CRIM1: variants seen among roughly 807,000 people sequenced by gnomAD.
The protein encoded by CRIM1 is cysteine rich transmembrane BMP regulator 1.
In CRIM1, 32 loss-of-function variants were observed where a neutral mutation model predicts 116.4. The ratio of observed to expected loss-of-function variants is 0.27; its 90% CI spans 0.21 to 0.37. The LOEUF is 0.37. CRIM1 is among the 10% of genes least tolerant of loss of function. The pLI is 1.00. For synonymous variants in CRIM1, 590 were observed against 509.2 expected (o/e 1.16, Z -2.13); for missense variants, 1,331 against 1,354.8 (o/e 0.98, Z 0.28).
At chr2:36,471,195 A>G (rs1333142547) in intron 5 of CRIM1, among the ~76,000 whole-genome samples, 1 of 152,200 alleles carries the variant, frequency 6.6e-6, no homozygotes, top group Non-Finnish European at 1.5e-5. Context: ...TGCTGTGACA[A>G]CATCTTCACC....
intron 5 of CRIM1, among the ~76,000 whole-genome samples, chr2:36,464,906 G>C (rs748032063): frequency 3.9e-5 from 6 of 152,210 alleles, no homozygotes; most frequent in Non-Finnish European, 5.9e-5. Context: ...GTCATACTCA[G>C]CTGTGTTACA....
At position 36,445,784 on chromosome 2, in the gene CRIM1, G is replaced by A. The variant is rs114792638; in HGVS notation, c.869+3049G>A. On this transcript the variant is annotated intron_variant, in intron 4 of 16. Transcript: ENST00000280527. Reference sequence around the variant, plus strand: ...ACAACCCAAATAATCATGTGAAAATGGAAAAAAAAAAGCCTAACATGTAAT... The same window carrying A: ...ACAACCCAAATAATCATGTGAAAATAGAAAAAAAAAAGCCTAACATGTAAT... 7.2e-3 allele frequency among the ~76,000 whole-genome samples: 1,078 copies of A among 150,360 alleles called. 8 individuals carry two copies. Among genetic ancestry groups the A allele is most frequent in the Non-Finnish European group, 0.013 (863 of 67,600 alleles).
At chr2:36,481,764 C>A (rs1477712337) in intron 7 of CRIM1, among the ~76,000 whole-genome samples, 2 of 152,118 alleles carry the variant, frequency 1.3e-5, no homozygotes, top group African/African-American at 4.8e-5. Context: ...TGAAGATCAA[C>A]GGAAGTTTGT....
rs573244908 is a variant in CRIM1 at position 36,447,555 on chromosome 2, G to A, written c.869+4820G>A. Among the ~76,000 whole-genome samples the A allele has an allele frequency of 1.2e-4, 18 of 152,290 alleles. 1 individual carries two copies. The South Asian group carries it at 2.9e-3, about 25-fold the overall frequency. On this transcript the variant is annotated intron_variant, in intron 4 of 16. Coordinates refer to ENST00000280527, the MANE Select transcript of CRIM1 (RefSeq NM_016441.3). ...CATGTTTGGAAACTCAGCTGGGATGGCTGGAAAGACCCCTCTCCCTACATG... is the reference window on the plus strand; with the variant it reads ...CATGTTTGGAAACTCAGCTGGGATGACTGGAAAGACCCCTCTCCCTACATG...
rs145970046 is a variant in CRIM1, at chr2:36,413,829, G to A, written c.505+17042G>A. The stretch of plus-strand genomic sequence containing the variant: ...CATTACATACACTTGTAAAGTGTAT[G>A]TATTTGGATGGGGGTGCTCTATTTC... On this transcript the variant is annotated intron_variant, in intron 2 of 16. Transcript: ENST00000280527. 6.6e-3 allele frequency among the ~76,000 whole-genome samples: 999 copies of A among 152,270 alleles called. 10 individuals carry two copies. Among genetic ancestry groups the A allele is most frequent in the African/African-American group, 0.023 (947 of 41,544 alleles).
At chr2:36,443,159 T>C (rs940621727) in intron 4 of CRIM1, among the ~76,000 whole-genome samples, 2 of 152,190 alleles carry the variant, frequency 1.3e-5, no homozygotes, top group African/African-American at 4.8e-5. Flanking sequence ...GAATCACACA[T>C]CTACCCAGAC....
intron 4 of CRIM1, among the ~76,000 whole-genome samples, chr2:36,455,961 G>A (rs1481227557): frequency 2.0e-5 from 3 of 152,094 alleles, no homozygotes; most frequent in Non-Finnish European, 2.9e-5. Flanking sequence ...AGGATGAGAG[G>A]CTGGGAATTG....
intron 4 of CRIM1, among the ~76,000 whole-genome samples, chr2:36,459,303 A>C (rs1451372321): frequency 6.6e-6 from 1 of 152,192 alleles, no homozygotes; most frequent in African/African-American, 2.4e-5. Flanking sequence ...AACACATTCC[A>C]TAGTCTTTCC....
Position 36,511,559 on chromosome 2 carries a change from G to C in CRIM1, c.1659-714G>C, listed in dbSNP as rs116063505. On this transcript the variant is annotated intron_variant, in intron 9 of 16. Coordinates refer to ENST00000280527, the MANE Select transcript of CRIM1 (RefSeq NM_016441.3). ...CTTGCTACAGTATCATGACAGTTCA[G>C]AATCAAGGCTGTGTTCAAATCCAAC... is the stretch of plus-strand genomic sequence containing the variant. Among the ~76,000 whole-genome samples the C allele has an allele frequency of 4.9e-3, 741 of 152,258 alleles. 9 individuals are homozygous for C. The highest frequency in any genetic ancestry group is 0.017 in the African/African-American group (707 of 41,548).
At chr2:36,392,544 G>A (rs1231397234) in intron 1 of CRIM1, among the ~76,000 whole-genome samples, 2 of 152,128 alleles carry the variant, frequency 1.3e-5, no homozygotes, top group Non-Finnish European at 2.9e-5. Flanking sequence ...ATTTACTTAG[G>A]AAAAGAGAGA....
At chr2:36,398,595 C>G (rs1672205471) in intron 2 of CRIM1, among the ~76,000 whole-genome samples, 3 of 152,156 alleles carry the variant, frequency 2.0e-5, no homozygotes, top group Admixed American at 2.0e-4. Flanking sequence ...ATTACCGTAT[C>G]TGATTGAATT....
chr2:36,451,311 A>G (rs1466170155), intron 4 of CRIM1, among the ~76,000 whole-genome samples: 1 of 152,230 alleles, frequency 6.6e-6, no homozygotes, highest in African/African-American at 2.4e-5. Flanking sequence ...ACACACACAC[A>G]CAGTCATCTG....
At chr2:36,445,290 C>T (rs757755284) in intron 4 of CRIM1, among the ~76,000 whole-genome samples, 5 of 152,320 alleles carry the variant, frequency 3.3e-5, no homozygotes, top group Admixed American at 1.3e-4. Context: ...GTGCGGTACT[C>T]CTCAATCCTG....
chr2:36,513,832 C>A, intron 11 of CRIM1, 67 bp downstream of exon 11: 6 of 1,413,822 alleles, frequency 4.2e-6, no homozygotes, highest in Non-Finnish European at 5.9e-6. Flanking sequence ...GCCCTAGACA[C>A]ATTTGTAACT....
chr2:36,389,937 T>G (rs1200678250), intron 1 of CRIM1, among the ~76,000 whole-genome samples: 1 of 152,202 alleles, frequency 6.6e-6, no homozygotes, highest in African/African-American at 2.4e-5. Context: ...TTCACATATC[T>G]GGTGTTCGTT....
At chr2:36,502,930 G>C (rs1681103170) in intron 8 of CRIM1, among the ~76,000 whole-genome samples, 1 of 152,130 alleles carries the variant, frequency 6.6e-6, no homozygotes, top group East Asian at 1.9e-4. Flanking sequence ...TCTTATTTTG[G>C]ATTCTTCTTA....
At chr2:36,533,701 TCATA>T (rs1330164021) in intron 13 of CRIM1, among the ~76,000 whole-genome samples, 2 of 152,236 alleles carry the variant, frequency 1.3e-5, no homozygotes, top group African/African-American at 4.8e-5. Context: ...GACAGTGATC[TCATA>T]CAGTTACTGA....
chr2:36,483,740 AAGTGAGGAC>A (rs1679603127), intron 7 of CRIM1, among the ~76,000 whole-genome samples: 3 of 152,202 alleles, frequency 2.0e-5, no homozygotes, highest in Admixed American at 2.0e-4. Flanking sequence ...AGTAAATAAT[AAGTGAGGAC>A]AGTGAGGAGG....
rs115074523 is a variant in CRIM1 at position 36,467,349 on chromosome 2, A to G, written c.991+2694A>G. On this transcript the variant is annotated intron_variant, in intron 5 of 16. Transcript: ENST00000280527. ...TTAAGAACATTGTCTCAAAGCCTGCATTTTTCTTCTTTTGATATATACATT... is the reference window on the plus strand; with the variant it reads ...TTAAGAACATTGTCTCAAAGCCTGCGTTTTTCTTCTTTTGATATATACATT... Among the ~76,000 whole-genome samples the G allele has an allele frequency of 6.3e-3, 955 of 152,310 alleles. 12 individuals carry two copies. The highest frequency in any genetic ancestry group is 0.022 in the African/African-American group (926 of 41,564).
Sources: allele counts gnomAD v4.1 joint callset (sites outside exome capture counted in the v4.1 genomes callset), GRCh38; gene constraint gnomAD v4.1.1; transcripts MANE v1.5; gene names NCBI Gene and HGNC (gene_info 2026-07-23, HGNC 2026-07-21).